The following SENP5 variants were observed in gnomAD, a reference collection of about 807,000 sequenced individuals.
SENP5 encodes the protein sentrin-specific protease 5.
Under a neutral mutation model 74.2 loss-of-function variants are expected in SENP5, and 21 were observed. That is an observed-to-expected ratio of 0.28 (90% CI 0.20 to 0.41). The LOEUF is 0.41. SENP5 is among the 10% of genes least tolerant of loss of function. The pLI is 1.00. For synonymous variants in SENP5, 311 were observed against 312.7 expected (o/e 0.99, Z 0.06); for missense variants, 717 against 889.1 (o/e 0.81, Z 2.46).
At position 196,886,128 on chromosome 3, in the gene SENP5, TGAAGGGGAC is replaced by T; in HGVS notation, c.951_959del (p.Lys317_Thr319del). ...CCAGATATGGACAGCAGTGCTGTGGTGAAGGGGACGAACTCTCATGTGCCTGATTGCCAC... is the reference window on the plus strand; with the variant it reads ...CCAGATATGGACAGCAGTGCTGTGGTGAACTCTCATGTGCCTGATTGCCAC... On this transcript the variant is annotated inframe_deletion, in exon 2 of 10. Transcript: ENST00000323460. The T allele has an allele frequency of 6.2e-7, 1 of 1,614,196 alleles. No individual in the cohort carries two copies. The highest frequency in any genetic ancestry group is 1.7e-5 in the Admixed American group (1 of 60,024).
intron 1 of SENP5, among the ~76,000 whole-genome samples, chr3:196,877,571 C>G (rs1424038456): frequency 1.3e-5 from 2 of 152,064 alleles, no homozygotes; most frequent in Admixed American, 1.3e-4. Flanking sequence ...GATATTTGCA[C>G]AGTATTTTTT....
chr3:196,871,948 G>T (rs1485413867), intron 1 of SENP5, among the ~76,000 whole-genome samples: 1 of 152,030 alleles, frequency 6.6e-6, no homozygotes, highest in Non-Finnish European at 1.5e-5. Context: ...CAGAAAAATA[G>T]CAAAACATTT....
chr3:196,886,190 G>T lies in SENP5; in HGVS notation c.1009G>T (p.Glu337Ter). The change falls in exon 2 of 10, where the codon GAG becomes TAG. Residue 337 changes from glutamate (E) to a stop codon, truncating the protein, a stop_gained. Transcript: ENST00000323460. LOFTEE classifies it high-confidence loss of function. Reference sequence around the variant, plus strand: ...TAAAGGAAGCTCTTTCTTGGGCAAGGAGCTTAGTTTAGACGAAGCATTCCC... The same window carrying T: ...TAAAGGAAGCTCTTTCTTGGGCAAGTAGCTTAGTTTAGACGAAGCATTCCC... ...HTKGSSFLGK[E>*]LSLDEAFPDQ... 4 of 1,614,176 alleles carry T rather than the reference G, an allele frequency of 2.5e-6. No individual in the cohort carries two copies. The highest frequency in any genetic ancestry group is 3.4e-6 in the Non-Finnish European group (4 of 1,180,026).
At chr3:196,873,036 G>A (rs1254178996) in intron 1 of SENP5, among the ~76,000 whole-genome samples, 1 of 148,898 alleles carries the variant, frequency 6.7e-6, no homozygotes, top group Non-Finnish European at 1.5e-5. Flanking sequence ...TTGTTCTTTA[G>A]ATTGCTTTCC....
At chr3:196,901,292 A>C (rs867675789) in intron 5 of SENP5, among the ~76,000 whole-genome samples, 11 of 149,998 alleles carry the variant, frequency 7.3e-5, no homozygotes, top group South Asian at 2.1e-4. Flanking sequence ...TGATCCGCCC[A>C]CCTCCCCCTC....
intron 6 of SENP5, among the ~76,000 whole-genome samples, chr3:196,917,508 G>A (rs779778625): frequency 6.6e-6 from 1 of 152,048 alleles, no homozygotes; most frequent in Non-Finnish European, 1.5e-5. Flanking sequence ...ATTACCTCAA[G>A]GCATTTAATA....
Position 196,914,998 on chromosome 3 carries a change from A to G in SENP5, c.1885-8416A>G, listed in dbSNP as rs576955717. Among the ~76,000 whole-genome samples, 7 of 152,306 alleles carry G rather than the reference A, an allele frequency of 4.6e-5. No homozygotes were observed. In the South Asian group the frequency reaches 1.2e-3, roughly 27 times the overall value. ...TGCTGTCATATCACAATGGAATACA[A>G]CACAGGGCAGAATTCTGCCAGCACC... On this transcript the variant is annotated intron_variant, in intron 6 of 9. Coordinates refer to ENST00000323460, the MANE Select transcript of SENP5 (RefSeq NM_152699.5).
At chr3:196,894,576 A>G (rs4916448) in intron 2 of SENP5, among the ~76,000 whole-genome samples, 20,256 of 151,582 alleles carry the variant, frequency 0.13, 1,679 homozygotes, top group Middle Eastern at 0.21. Flanking sequence ...CTGGGAACCA[A>G]TGAAATTAGT....
intron 7 of SENP5, among the ~76,000 whole-genome samples, chr3:196,927,084 C>T (rs1715843278): frequency 2.0e-5 from 3 of 152,114 alleles, no homozygotes; most frequent in Admixed American, 2.0e-4. Flanking sequence ...GTAGATAGTT[C>T]AACAGTGGAC....
intron 1 of SENP5, among the ~76,000 whole-genome samples, chr3:196,881,952 T>C (rs1182883870): frequency 2.0e-5 from 3 of 147,322 alleles, no homozygotes; most frequent in African/African-American, 5.0e-5. Context: ...TGGAGTGCAG[T>C]GGCTCAATTT....
intron 2 of SENP5, among the ~76,000 whole-genome samples, chr3:196,899,441 A>G (rs777395899): frequency 5.9e-5 from 9 of 152,206 alleles, no homozygotes; most frequent in Non-Finnish European, 1.3e-4. Flanking sequence ...CTAATGTGAA[A>G]TGATTCCTCA....
intron 6 of SENP5, among the ~76,000 whole-genome samples, chr3:196,907,070 A>G (rs1450970968): frequency 6.6e-6 from 1 of 152,228 alleles, no homozygotes; most frequent in Non-Finnish European, 1.5e-5. Context: ...TGGACGGCCT[A>G]TGGTTGTATT....
chr3:196,901,194 T>A (rs1469939515), intron 5 of SENP5, among the ~76,000 whole-genome samples: 1 of 151,636 alleles, frequency 6.6e-6, no homozygotes, highest in African/African-American at 2.4e-5. Flanking sequence ...TACAGGTGTG[T>A]GCCACCATGC....
Position 196,918,618 on chromosome 3 carries a change from G to A in SENP5, c.1885-4796G>A, listed in dbSNP as rs533040888. On this transcript the variant is annotated intron_variant, in intron 6 of 9. Transcript: ENST00000323460. Reference sequence around the variant, plus strand: ...GGAGGAAGGGAAGACCATAAAACAAGTAGAAAGCAGATAACAAAATGGCAG... The same window carrying A: ...GGAGGAAGGGAAGACCATAAAACAAATAGAAAGCAGATAACAAAATGGCAG... Among the ~76,000 whole-genome samples the A allele has an allele frequency of 6.6e-5, 10 of 152,158 alleles. No individual in the cohort carries two copies. The East Asian group carries it at 1.9e-3, about 29-fold the overall frequency.
chr3:196,926,794 A>C (rs1715831579), intron 7 of SENP5, among the ~76,000 whole-genome samples: 1 of 151,816 alleles, frequency 6.6e-6, no homozygotes, highest in Non-Finnish European at 1.5e-5. Flanking sequence ...GTGCACCACC[A>C]CACCTGGCTA....
At chr3:196,903,887 C>T (rs1714798779) in intron 6 of SENP5, among the ~76,000 whole-genome samples, 1 of 152,158 alleles carries the variant, frequency 6.6e-6, no homozygotes, top group South Asian at 2.1e-4. Context: ...CAGAAGCTTT[C>T]AACAATTTTT....
chr3:196,880,334 G>A (rs901711524), intron 1 of SENP5, among the ~76,000 whole-genome samples: 3 of 152,066 alleles, frequency 2.0e-5, no homozygotes, highest in African/African-American at 7.2e-5. Context: ...TTCTGTCTCC[G>A]CCTCCCACGT....
intron 6 of SENP5, 34 bp downstream of exon 6, chr3:196,903,644 G>A (rs775104936): frequency 1.4e-6 from 2 of 1,389,470 alleles, no homozygotes; most frequent in East Asian, 2.3e-5. Flanking sequence ...TTCCAAATTT[G>A]AAACGCAGAT....
At chr3:196,897,658 C>A (rs1215584870) in intron 2 of SENP5, among the ~76,000 whole-genome samples, 1 of 152,226 alleles carries the variant, frequency 6.6e-6, no homozygotes, top group Non-Finnish European at 1.5e-5. Flanking sequence ...TATATCAATG[C>A]ATGGCAGAGG....
Sources: allele counts gnomAD v4.1 joint callset (sites outside exome capture counted in the v4.1 genomes callset), GRCh38; gene constraint gnomAD v4.1.1; transcripts MANE v1.5; gene names NCBI Gene and HGNC (gene_info 2026-07-23, HGNC 2026-07-21).